Variants in PLCB1 observed in about 807,000 individuals in gnomAD.
PLCB1 encodes 1-phosphatidylinositol 4,5-bisphosphate phosphodiesterase beta-1.
PLCB1 carries 46 observed loss-of-function variants against 161.8 expected under a neutral mutation model. The observed-to-expected ratio is 0.28, with a 90% CI of 0.22 to 0.36. PLCB1 has a LOEUF of 0.36. Ranked by LOEUF, PLCB1 falls within the 10% of genes least tolerant of loss-of-function variation. PLCB1 has a pLI of 1.00. For missense variants in PLCB1, 1,016 were observed against 1,472.5 expected, an observed-to-expected ratio of 0.69 and a Z score of 5.07; for synonymous variants, 517 against 503.7, an observed-to-expected ratio of 1.03 and a Z score of -0.35.
At chr20:8,861,318 A>C (rs912811225) in intron 31 of PLCB1, among the ~76,000 whole-genome samples, 2 of 152,242 alleles carry the variant, frequency 1.3e-5, no homozygotes, top group Admixed American at 6.5e-5. Context: ...AAAGAATCAT[A>C]CACTTATTAT....
intron 3 of PLCB1, among the ~76,000 whole-genome samples, chr20:8,444,390 A>G (rs1053958030): frequency 2.0e-5 from 3 of 152,118 alleles, no homozygotes; most frequent in African/African-American, 7.2e-5. Flanking sequence ...ATCCTTTTTT[A>G]TGGCTGCATA....
chr20:8,254,486 C>A (rs752445733), intron 2 of PLCB1, among the ~76,000 whole-genome samples: 1 of 151,734 alleles, frequency 6.6e-6, no homozygotes, highest in African/African-American at 2.4e-5. Context: ...AAGGTAATTA[C>A]GAAGACACTG....
chr20:8,468,900 T>C (rs967477421), intron 3 of PLCB1, among the ~76,000 whole-genome samples: 1 of 152,134 alleles, frequency 6.6e-6, no homozygotes, highest in African/African-American at 2.4e-5. Context: ...TCAGGAAATA[T>C]TAGAGAGAGT....
In PLCB1 at chr20:8,673,672, G is replaced by A. The variant is rs142372269; in HGVS notation, c.863-11260G>A. The stretch of plus-strand genomic sequence containing the variant: ...ATTTACGGCTGAATTTGGAATTGCC[G>A]TTTTTAGTTGTCTATGATACAATAT... On this transcript the variant is annotated intron_variant, in intron 9 of 31. Coordinates refer to ENST00000338037, the MANE Select transcript of PLCB1 (RefSeq NM_015192.4). Among the ~76,000 whole-genome samples the A allele has an allele frequency of 2.4e-4, 36 of 152,212 alleles. No individual in the cohort carries two copies. The East Asian group carries it at 3.5e-3, about 15-fold the overall frequency.
chr20:8,240,925 G>C (rs896925499), intron 2 of PLCB1, among the ~76,000 whole-genome samples: 2 of 151,826 alleles, frequency 1.3e-5, no homozygotes, highest in African/African-American at 4.8e-5. Flanking sequence ...AGTTCTGATT[G>C]GTCATTTAAA....
chr20:8,400,071 A>G (rs940774435), intron 3 of PLCB1, among the ~76,000 whole-genome samples: 5 of 152,138 alleles, frequency 3.3e-5, no homozygotes, highest in Non-Finnish European at 5.9e-5. Flanking sequence ...ATTTTTATGG[A>G]ATGGAAATCT....
chr20:8,354,698 A>G (rs572032935), intron 2 of PLCB1, among the ~76,000 whole-genome samples: 1 of 152,298 alleles, frequency 6.6e-6, no homozygotes, highest in South Asian at 2.1e-4. Flanking sequence ...TGTTATATTA[A>G]TGGACTGGCA....
chr20:8,850,448 A>G (rs947109334), intron 31 of PLCB1, among the ~76,000 whole-genome samples: 1 of 152,200 alleles, frequency 6.6e-6, no homozygotes, highest in African/African-American at 2.4e-5. Flanking sequence ...AAAAGGCTAA[A>G]CTTCCCAAGG....
intron 29 of PLCB1, 78 bp from the exon 30 acceptor site, chr20:8,789,440 T>C: frequency 1.1e-6 from 1 of 912,780 alleles, no homozygotes. Flanking sequence ...TCTGTAACCT[T>C]TTATCTAGAA....
chr20:8,810,356 T>A (rs1416181479), intron 31 of PLCB1, among the ~76,000 whole-genome samples: 2 of 152,114 alleles, frequency 1.3e-5, no homozygotes, highest in African/African-American at 4.8e-5. Context: ...CCATAGTACG[T>A]GTGTTTTCTG....
chr20:8,680,237 G>A (rs1425378073), intron 9 of PLCB1, among the ~76,000 whole-genome samples: 1 of 152,176 alleles, frequency 6.6e-6, no homozygotes, highest in East Asian at 1.9e-4. Context: ...AAGGGCTAAT[G>A]CATTTTAGTC....
chr20:8,576,766 G>A (rs1986684037), intron 3 of PLCB1, among the ~76,000 whole-genome samples: 1 of 152,200 alleles, frequency 6.6e-6, no homozygotes, highest in Non-Finnish European at 1.5e-5. Flanking sequence ...ATGTGGGATT[G>A]TGTTTCATGC....
intron 2 of PLCB1, among the ~76,000 whole-genome samples, chr20:8,225,207 T>G (rs2123170799): frequency 6.6e-6 from 1 of 152,350 alleles, no homozygotes; most frequent in East Asian, 1.9e-4. Flanking sequence ...AGTAATTACA[T>G]GTTTTCAATA....
chr20:8,301,407 T>A (rs1209110406), intron 2 of PLCB1, among the ~76,000 whole-genome samples: 2 of 152,198 alleles, frequency 1.3e-5, no homozygotes, highest in South Asian at 2.1e-4. Context: ...CATAATACTT[T>A]CTTTTTCTAG....
intron 3 of PLCB1, among the ~76,000 whole-genome samples, chr20:8,521,129 AG>A (rs1984331132): frequency 6.6e-6 from 1 of 152,226 alleles, no homozygotes; most frequent in African/African-American, 2.4e-5. Context: ...CCATTTATTG[AG>A]GCTGTTCCCT....
chr20:8,722,839 TA>T (rs370311022), intron 15 of PLCB1, among the ~76,000 whole-genome samples: 6 of 151,978 alleles, frequency 3.9e-5, no homozygotes, highest in African/African-American at 1.5e-4. Flanking sequence ...CTCACGCCTT[TA>T]AAAAAACAAG....
chr20:8,637,194 C>CCAT (rs1988789076), intron 4 of PLCB1, among the ~76,000 whole-genome samples: 1 of 152,188 alleles, frequency 6.6e-6, no homozygotes, highest in African/African-American at 2.4e-5. Context: ...TCACCTACTA[C>CCAT]CTTGATATTG....
intron 2 of PLCB1, among the ~76,000 whole-genome samples, chr20:8,287,515 T>G (rs903278123): frequency 4.6e-5 from 7 of 152,158 alleles, no homozygotes; most frequent in Non-Finnish European, 1.0e-4. Flanking sequence ...TCCATGTAGA[T>G]GATTCCTACA....
rs1280054046 is a variant in PLCB1 at position 8,883,644 on chromosome 20, A to C, written c.*1795A>C. Reference sequence around the variant, plus strand: ...AAGCAATAACTAGAGATTACAATTAAATTTTAATCAAAATGAAGGCTTAGT... The same window carrying C: ...AAGCAATAACTAGAGATTACAATTACATTTTAATCAAAATGAAGGCTTAGT... On this transcript the variant is annotated 3_prime_UTR_variant, in exon 32 of 32. Coordinates refer to ENST00000338037, the MANE Select transcript of PLCB1 (RefSeq NM_015192.4). 1 of 152,444 alleles carries C rather than the reference A, an allele frequency of 6.6e-6. No homozygotes were observed. The highest frequency in any genetic ancestry group is 1.5e-5 in the Non-Finnish European group (1 of 67,962). The allele number at this position is 152,444 out of a possible 1,614,324, so 9.4% of individuals were successfully genotyped here.
Sources: gnomAD v4.1 joint callset for allele counts (sites outside exome capture counted in the v4.1 genomes callset) on GRCh38, gnomAD v4.1.1 for gene constraint, MANE v1.5 for transcripts, NCBI Gene and HGNC (gene_info 2026-07-23, HGNC 2026-07-21) for gene names.